DRC11: variants seen among roughly 807,000 people sequenced by gnomAD.
The protein encoded by DRC11 is dynein regulatory complex subunit 11.
the DRC11 span, among the ~76,000 whole-genome samples, chr2:236,494,733 C>T: frequency 6.6e-6 from 1 of 152,130 alleles, no homozygotes; most frequent in Non-Finnish European, 1.5e-5. This position sits in a 1 kb window ranked among gnomAD's most constrained non-coding sequence, Gnocchi z 4.2. Flanking sequence ...CCTAAGTAAA[C>T]ATTTAAGCCT....
At chr2:236,325,891 C>T in the DRC11 span, among the ~76,000 whole-genome samples, 3 of 152,358 alleles carry the variant, frequency 2.0e-5, no homozygotes, top group East Asian at 1.9e-4. The surrounding 1 kb of genome is among the most constrained non-coding windows in gnomAD (Gnocchi z 4.4). Flanking sequence ...GTGTGAGCCA[C>T]GGTGCGTGGC....
At chr2:236,410,052 A>T in the DRC11 span, among the ~76,000 whole-genome samples, 4 of 151,806 alleles carry the variant, frequency 2.6e-5, no homozygotes, top group Non-Finnish European at 5.9e-5. Context: ...TTCATCAAGG[A>T]TATTGGTCTA....
At chr2:236,359,323 A>G in the DRC11 span, among the ~76,000 whole-genome samples, 2 of 152,142 alleles carry the variant, frequency 1.3e-5, no homozygotes, top group African/African-American at 4.8e-5. The surrounding 1 kb of genome is among the most constrained non-coding windows in gnomAD (Gnocchi z 4.3). Flanking sequence ...TCTATTAGTT[A>G]CTGTTTGTAA....
At chr2:236,374,978 G>A in the DRC11 span, among the ~76,000 whole-genome samples, 1 of 151,612 alleles carries the variant, frequency 6.6e-6, no homozygotes, top group Non-Finnish European at 1.5e-5. Flanking sequence ...TGGGATTACA[G>A]GTGTGAGCCA....
the DRC11 span, among the ~76,000 whole-genome samples, chr2:236,491,223 A>G: frequency 5.3e-5 from 3 of 56,364 alleles, no homozygotes; most frequent in African/African-American, 2.8e-4. Context: ...CACACAGTAT[A>G]TATATATATA....
the DRC11 span, chr2:236,488,204 G>T: frequency 6.4e-7 from 1 of 1,553,428 alleles, no homozygotes; most frequent in Non-Finnish European, 8.7e-7. Flanking sequence ...GCAAAAAACA[G>T]TCAAGATAAA....
At chr2:236,330,661 T>A in the DRC11 span, among the ~76,000 whole-genome samples, 3 of 152,188 alleles carry the variant, frequency 2.0e-5, no homozygotes, top group Admixed American at 6.5e-5. This position sits in a 1 kb window ranked among gnomAD's most constrained non-coding sequence, Gnocchi z 5.5. Flanking sequence ...AATATTGTGG[T>A]GGTCTTCAGT....
chr2:236,505,994 A>G, the DRC11 span, among the ~76,000 whole-genome samples: 1 of 152,184 alleles, frequency 6.6e-6, no homozygotes, highest in African/African-American at 2.4e-5. Context: ...CACTTGAGTA[A>G]GTCTTTCTAT....
chr2:236,389,472 C>G, the DRC11 span, among the ~76,000 whole-genome samples: 1,176 of 152,340 alleles, frequency 7.7e-3, 14 homozygotes, highest in African/African-American at 0.026. Flanking sequence ...AGGGAACTCC[C>G]TGACCCCTTG....
the DRC11 span, chr2:236,465,410 G>T: frequency 3.0e-6 from 3 of 1,013,850 alleles, no homozygotes; most frequent in South Asian, 3.0e-5. The surrounding 1 kb of genome is among the most constrained non-coding windows in gnomAD (Gnocchi z 6.2). Flanking sequence ...GAAACCTCAT[G>T]ACTCTATATC....
At chr2:236,352,526 C>T in the DRC11 span, among the ~76,000 whole-genome samples, 2 of 152,082 alleles carry the variant, frequency 1.3e-5, no homozygotes, top group Non-Finnish European at 2.9e-5. The surrounding 1 kb of genome is among the most constrained non-coding windows in gnomAD (Gnocchi z 7.0). Flanking sequence ...TTGGCAGGCG[C>T]ATCTGCTGGG....
the DRC11 span, among the ~76,000 whole-genome samples, chr2:236,328,719 C>T: frequency 2.0e-5 from 3 of 152,084 alleles, no homozygotes; most frequent in Non-Finnish European, 2.9e-5. The surrounding 1 kb of genome is among the most constrained non-coding windows in gnomAD (Gnocchi z 6.7). Flanking sequence ...GTACTTAAGG[C>T]GATGAACTCC....
chr2:236,368,193 C>G, the DRC11 span: 2 of 1,591,042 alleles, frequency 1.3e-6, no homozygotes, highest in Non-Finnish European at 1.7e-6. Flanking sequence ...CGAGTCTTTA[C>G]CTAATGGCCA....
At chr2:236,417,135 G>T in the DRC11 span, among the ~76,000 whole-genome samples, 1 of 152,100 alleles carries the variant, frequency 6.6e-6, no homozygotes, top group African/African-American at 2.4e-5. Context: ...CTCCCAAAGT[G>T]CTGGGATTAC....
the DRC11 span, among the ~76,000 whole-genome samples, chr2:236,382,648 C>T: frequency 6.6e-6 from 1 of 152,084 alleles, no homozygotes; most frequent in Non-Finnish European, 1.5e-5. Flanking sequence ...ACATACAAGT[C>T]CTATACCTGT....
At chr2:236,363,156 T>G in the DRC11 span, among the ~76,000 whole-genome samples, 1 of 152,208 alleles carries the variant, frequency 6.6e-6, no homozygotes, top group Non-Finnish European at 1.5e-5. This position sits in a 1 kb window ranked among gnomAD's most constrained non-coding sequence, Gnocchi z 5.6. Flanking sequence ...CTCAACCAAG[T>G]AGAAATTAAA....
the DRC11 span, among the ~76,000 whole-genome samples, chr2:236,360,769 G>A: frequency 1.3e-5 from 2 of 152,164 alleles, no homozygotes; most frequent in Non-Finnish European, 2.9e-5. This position sits in a 1 kb window ranked among gnomAD's most constrained non-coding sequence, Gnocchi z 5.8. Context: ...TTGGTAAACA[G>A]GATTTCCATT....
the DRC11 span, among the ~76,000 whole-genome samples, chr2:236,442,131 T>C: frequency 6.6e-6 from 1 of 152,104 alleles, no homozygotes; most frequent in East Asian, 1.9e-4. Context: ...AGCTTAGAAA[T>C]GTATAAAATA....
chr2:236,491,194 A>G, the DRC11 span, among the ~76,000 whole-genome samples: 28 of 63,304 alleles, frequency 4.4e-4, no homozygotes, highest in African/African-American at 2.2e-3. Flanking sequence ...CACAGTATAT[A>G]TATATATATA....
Sources: allele counts gnomAD v4.1 joint callset (sites outside exome capture counted in the v4.1 genomes callset), GRCh38; gene constraint gnomAD v4.1.1; non-coding constraint Gnocchi (gnomAD v3.1); transcripts MANE v1.5; gene names NCBI Gene and HGNC (gene_info 2026-07-23, HGNC 2026-07-21).